The following ZSWIM6 variants were observed in gnomAD, a reference collection of about 807,000 sequenced individuals.
ZSWIM6 encodes the protein zinc finger SWIM-type containing 6, also known as zinc finger SWIM domain-containing protein 6.
ZSWIM6 carries 9 observed loss-of-function variants against 113.2 expected under a neutral mutation model. That is an observed-to-expected ratio of 0.08 (90% confidence interval 0.05 to 0.14). ZSWIM6 has a LOEUF of 0.14. Among genes scored for constraint, ZSWIM6 ranks in the 10% least tolerant of loss-of-function variants. The pLI is 1.00. For missense variants in ZSWIM6, 1,162 were observed against 1,552.2 expected, an observed-to-expected ratio of 0.75 and a Z score of 4.22; for synonymous variants, 611 against 606.5, an observed-to-expected ratio of 1.01 and a Z score of -0.11.
At chr5:61,515,967 G>C (rs1393708690) in intron 4 of ZSWIM6, among the ~76,000 whole-genome samples, 1 of 151,886 alleles carries the variant, frequency 6.6e-6, no homozygotes, top group Admixed American at 6.6e-5. Context: ...ATCTGATACT[G>C]ATATAGTCAT....
chr5:61,333,540 G>C (rs1744316166), intron 1 of ZSWIM6, among the ~76,000 whole-genome samples: 1 of 152,050 alleles, frequency 6.6e-6, no homozygotes, highest in African/African-American at 2.4e-5. Flanking sequence ...GAGCGGCCGC[G>C]GCGCTCCCGG....
chr5:61,530,714 A>C (rs1485731859), intron 8 of ZSWIM6, among the ~76,000 whole-genome samples: 1 of 152,204 alleles, frequency 6.6e-6, no homozygotes, highest in East Asian at 1.9e-4. Context: ...AAACTTAAGA[A>C]TCTTGACTAA....
chr5:61,521,039 G>A (rs185974641), intron 4 of ZSWIM6, among the ~76,000 whole-genome samples: 3 of 151,906 alleles, frequency 2.0e-5, no homozygotes, highest in Non-Finnish European at 4.4e-5. Flanking sequence ...TGGGATTTGT[G>A]GCTTATGTTA....
chr5:61,377,346 G>A (rs1172558602), intron 1 of ZSWIM6, among the ~76,000 whole-genome samples: 1 of 151,606 alleles, frequency 6.6e-6, no homozygotes, highest in Non-Finnish European at 1.5e-5. Flanking sequence ...GAGAAAACTT[G>A]TATAGTTTAG....
Position 61,528,013 on chromosome 5 carries a change from T to C in ZSWIM6, c.1837+1617T>C, listed in dbSNP as rs1441790649. Among the ~76,000 whole-genome samples, 4 of 152,314 alleles carry C rather than the reference T, an allele frequency of 2.6e-5. No homozygotes were observed. The East Asian group carries it at 7.7e-4, about 29-fold the overall frequency. ...ACCATTCTTAGACCCATTTCTCTTT[T>C]ATCTTGCAAGCTATGAAAACTTTTA... On this transcript the variant is annotated intron_variant, in intron 7 of 13. Coordinates refer to ENST00000252744, the MANE Select transcript of ZSWIM6 (RefSeq NM_020928.2).
intron 7 of ZSWIM6, among the ~76,000 whole-genome samples, chr5:61,528,777 G>T (rs892461775): frequency 1.3e-5 from 2 of 152,020 alleles, no homozygotes; most frequent in East Asian, 3.9e-4. Flanking sequence ...TAGTACAGAC[G>T]GGGTTTCACC....
At chr5:61,471,863 G>A (rs932796615) in intron 1 of ZSWIM6, among the ~76,000 whole-genome samples, 1 of 151,930 alleles carries the variant, frequency 6.6e-6, no homozygotes, top group African/African-American at 2.4e-5. Context: ...TTTCTGTGTG[G>A]GTCTAAGTTT....
intron 1 of ZSWIM6, chr5:61,375,650 A>C (rs1384176626): frequency 1.3e-6 from 2 of 1,544,342 alleles, no homozygotes; most frequent in African/African-American, 2.7e-5. Flanking sequence ...CTCAGCAAAA[A>C]GAGAAAGATG....
intron 1 of ZSWIM6, among the ~76,000 whole-genome samples, chr5:61,411,312 A>T (rs1188443293): frequency 1.3e-5 from 2 of 152,220 alleles, no homozygotes; most frequent in African/African-American, 4.8e-5. Context: ...AACTTTAATG[A>T]CAACTAAGGT....
At position 61,350,553 on chromosome 5, in the gene ZSWIM6, A is replaced by AT. The variant is rs369962036; in HGVS notation, c.676+17613dup. Among the ~76,000 whole-genome samples, 97 of 152,034 alleles carry AT rather than the reference A, an allele frequency of 6.4e-4. 2 individuals carry two copies. The highest frequency in any genetic ancestry group is 1.7e-3 in the African/African-American group (71 of 41,456). On this transcript the variant is annotated intron_variant, in intron 1 of 13. Transcript: ENST00000252744. ...CATGGGTTTGATGTCACCACCCCTG[A>AT]TTTTTTTTCTCAATTTAAAGATATG...
chr5:61,400,874 A>G (rs1745928355), intron 1 of ZSWIM6, among the ~76,000 whole-genome samples: 1 of 152,096 alleles, frequency 6.6e-6, no homozygotes, highest in African/African-American at 2.4e-5. Flanking sequence ...TGCTGTCTTT[A>G]CATTTGACTG....
At chr5:61,473,120 T>G in intron 2 of ZSWIM6, 83 bp downstream of exon 2, 1 of 917,952 alleles carries the variant, frequency 1.1e-6, no homozygotes, top group South Asian at 2.2e-5. Context: ...TAAAAGTGAA[T>G]TAAATGTGAA....
intron 12 of ZSWIM6, 22 bp downstream of exon 12, chr5:61,539,781 C>T: frequency 6.5e-7 from 1 of 1,541,160 alleles, no homozygotes; most frequent in Non-Finnish European, 8.8e-7. Context: ...GTAGTCTTTC[C>T]TGGGACATCA....
rs1053038311 is a variant in ZSWIM6 at position 61,473,079 on chromosome 5, C to A, written c.1033+42C>A. On this transcript the variant is annotated intron_variant, in intron 2 of 13. Coordinates refer to ENST00000252744, the MANE Select transcript of ZSWIM6 (RefSeq NM_020928.2). ...ACTCTTTAAATTTCCTCTCTGGATCCTTTTTCACTTATAAATTCAATTCTT... is the reference window on the plus strand; with the variant it reads ...ACTCTTTAAATTTCCTCTCTGGATCATTTTTCACTTATAAATTCAATTCTT... The A allele has an allele frequency of 5.7e-6, 7 of 1,218,666 alleles. No individual in the cohort carries two copies. In the African/African-American group the frequency reaches 1.1e-4, roughly 19 times the overall value. The allele number at this position is 1,218,666 out of a possible 1,614,324, so 75.5% of individuals were successfully genotyped here.
At chr5:61,530,245 C>G (rs1343562374) in intron 8 of ZSWIM6, 47 bp downstream of exon 8, 3 of 1,508,414 alleles carry the variant, frequency 2.0e-6, no homozygotes, top group Non-Finnish European at 1.8e-6. Context: ...TTTCTAAACC[C>G]TGAATGGCAG....
chr5:61,455,228 A>G (rs1227410571), intron 1 of ZSWIM6, among the ~76,000 whole-genome samples: 2 of 152,214 alleles, frequency 1.3e-5, no homozygotes, highest in African/African-American at 4.8e-5. Context: ...ATTTCTAGTA[A>G]TAAGTAATTT....
Position 61,361,123 on chromosome 5 carries a change from T to C in ZSWIM6, c.676+28175T>C, listed in dbSNP as rs139762417. 9.5e-4 allele frequency among the ~76,000 whole-genome samples: 144 copies of C among 152,282 alleles called. 2 individuals carry two copies. In the East Asian group the frequency reaches 0.027, roughly 29 times the overall value. On this transcript the variant is annotated intron_variant, in intron 1 of 13. Coordinates refer to ENST00000252744, the MANE Select transcript of ZSWIM6 (RefSeq NM_020928.2). ...TGGGAGTAGGTCCCAATGTGGACTT[T>C]TCCCTGGGCTGAAGGAGAGGGACTT...
chr5:61,375,930 A>G (rs1302139166), intron 1 of ZSWIM6: 22 of 678,724 alleles, frequency 3.2e-5, no homozygotes, highest in Non-Finnish European at 4.9e-5. Flanking sequence ...AAACTACAAC[A>G]TATTTACTAA....
At chr5:61,512,504 A>G (rs1481575294) in intron 4 of ZSWIM6, among the ~76,000 whole-genome samples, 1 of 152,096 alleles carries the variant, frequency 6.6e-6, no homozygotes, top group Non-Finnish European at 1.5e-5. Context: ...GCTGGGTCAT[A>G]TGGTCAAAAT....
Sources: gnomAD v4.1 joint callset for allele counts (sites outside exome capture counted in the v4.1 genomes callset) on GRCh38, gnomAD v4.1.1 for gene constraint, MANE v1.5 for transcripts, NCBI Gene and HGNC (gene_info 2026-07-23, HGNC 2026-07-21) for gene names.